The following TTC39A variants were observed in gnomAD, a reference collection of about 807,000 sequenced individuals.
The protein encoded by TTC39A is tetratricopeptide repeat protein 39A.
A neutral mutation model predicts 82.3 loss-of-function variants in TTC39A; 46 were observed. The observed-to-expected ratio is 0.56, with a 90% confidence interval of 0.44 to 0.71. The LOEUF is 0.71. TTC39A is among the 30% of genes least tolerant of loss of function. The pLI is 0.00. For missense variants in TTC39A, 543 were observed against 712.9 expected (o/e 0.76, Z 2.71); for synonymous variants, 254 against 275.2 (o/e 0.92, Z 0.76).
At chr1:51,293,101 C>T (rs1296827969) in intron 14 of TTC39A, among the ~76,000 whole-genome samples, 2 of 140,710 alleles carry the variant, frequency 1.4e-5, no homozygotes, top group East Asian at 4.1e-4. Context: ...GAGTTTCACT[C>T]TTGTTGCCCA....
intron 1 of TTC39A, chr1:51,344,931 C>A: frequency 6.6e-7 from 1 of 1,519,784 alleles, no homozygotes; most frequent in Non-Finnish European, 8.8e-7. Flanking sequence ...CGGCTGGGTC[C>A]TCCGGCGGCC....
intron 6 of TTC39A, among the ~76,000 whole-genome samples, chr1:51,306,765 G>C (rs1247839609): frequency 2.0e-5 from 3 of 151,968 alleles, no homozygotes; most frequent in Non-Finnish European, 4.4e-5. Context: ...TAGCAAGCTT[G>C]AAGCTTCTCT....
intron 1 of TTC39A, among the ~76,000 whole-genome samples, chr1:51,326,537 G>A (rs990205400): frequency 2.6e-5 from 4 of 152,096 alleles, no homozygotes; most frequent in African/African-American, 9.7e-5. Context: ...ACCACCCATC[G>A]CCACAAAGAG....
upstream of TTC39A, chr1:51,330,679 C>T: frequency 1.1e-6 from 1 of 947,732 alleles, no homozygotes; most frequent in Non-Finnish European, 1.3e-6. This position sits in a 1 kb window ranked among gnomAD's most constrained non-coding sequence, Gnocchi z 4.5. Context: ...CCGCGGCGAC[C>T]CGCGCTCCCG....
chr1:51,305,873 C>T, intron 7 of TTC39A, 104 bp downstream of exon 7: 2 of 1,153,096 alleles, frequency 1.7e-6, no homozygotes, highest in Non-Finnish European at 2.6e-6. Context: ...GCCCAGCACA[C>T]AGCCAGGTGC....
chr1:51,341,669 AG>A (rs1271882279), intron 1 of TTC39A, among the ~76,000 whole-genome samples: 36 of 152,252 alleles, frequency 2.4e-4, no homozygotes, highest in African/African-American at 8.4e-4. Context: ...CCTCAGCAAC[AG>A]GGGGCAGAGT....
At chr1:51,293,493 A>C (rs1644298885) in intron 14 of TTC39A, among the ~76,000 whole-genome samples, 1 of 152,248 alleles carries the variant, frequency 6.6e-6, no homozygotes, top group African/African-American at 2.4e-5. Flanking sequence ...TTCCTCGTTG[A>C]TACTCATAAC....
At chr1:51,310,994 T>C (rs1042195430) in intron 5 of TTC39A, among the ~76,000 whole-genome samples, 2 of 152,200 alleles carry the variant, frequency 1.3e-5, no homozygotes, top group African/African-American at 4.8e-5. Context: ...TAACAGGAAA[T>C]GCAGCAGTCG....
chr1:51,325,416 C>T (rs1219123832), intron 1 of TTC39A, among the ~76,000 whole-genome samples: 1 of 152,334 alleles, frequency 6.6e-6, no homozygotes, highest in East Asian at 1.9e-4. Context: ...GTGTCTGTCT[C>T]TGCCCAGGGC....
At chr1:51,309,983 T>C (rs1018815843) in intron 5 of TTC39A, among the ~76,000 whole-genome samples, 1 of 151,696 alleles carries the variant, frequency 6.6e-6, no homozygotes, top group Non-Finnish European at 1.5e-5. Flanking sequence ...TGTTCAGACA[T>C]GAGTACAAAG....
At chr1:51,342,910 A>G in intron 1 of TTC39A, 1 of 386,236 alleles carries the variant, frequency 2.6e-6, no homozygotes, top group Non-Finnish European at 5.4e-6. Flanking sequence ...CATTCCCTCC[A>G]TTCTCCTAAC....
chr1:51,341,718 C>CA (rs200268501), intron 1 of TTC39A, among the ~76,000 whole-genome samples: 3 of 151,744 alleles, frequency 2.0e-5, no homozygotes, highest in East Asian at 1.9e-4. Context: ...CACACACACA[C>CA]AAAAAAAACC....
intron 16 of TTC39A, among the ~76,000 whole-genome samples, chr1:51,289,327 T>C (rs1644113337): frequency 6.6e-6 from 1 of 152,232 alleles, no homozygotes; most frequent in African/African-American, 2.4e-5. Flanking sequence ...GCTGTCTTCT[T>C]TGGGATACAA....
chr1:51,294,105 C>A lies in TTC39A; in HGVS notation c.1266+286G>T, dbSNP rs929194023. ...CAGACAGGCTGGGATCACTGGCAGC[C>A]GGGTGATGCCGCTGCCTGGGCACAT... On this transcript the variant is annotated intron_variant, in intron 14 of 17. Transcript: ENST00000680483. This position sits in a 1 kb window ranked among gnomAD's most constrained non-coding sequence, Gnocchi z 4.3. Among the ~76,000 whole-genome samples, 4 of 152,120 alleles carry A rather than the reference C, an allele frequency of 2.6e-5. No homozygotes were observed. The highest frequency in any genetic ancestry group is 9.7e-5 in the African/African-American group (4 of 41,412).
intron 12 of TTC39A, chr1:51,297,157 T>C (rs980172948): frequency 6.6e-6 from 1 of 151,708 alleles, no homozygotes; most frequent in Non-Finnish European, 1.5e-5. Context: ...GAGGGAAAGC[T>C]GGTCTTCGTG....
At chr1:51,336,599 C>T (rs145613265) in intron 1 of TTC39A, among the ~76,000 whole-genome samples, 6 of 152,176 alleles carry the variant, frequency 3.9e-5, no homozygotes, top group Middle Eastern at 3.4e-3. Context: ...TGATGGCAAC[C>T]TTTCAGGGGT....
Position 51,288,352 on chromosome 1 carries a change from G to T in TTC39A, c.1611-72C>A. 1 of 1,604,398 alleles carries T rather than the reference G, an allele frequency of 6.2e-7. No individual in the cohort carries two copies. ...AGATGCTTTTCCTCCTGTTTGAGCT[G>T]TATGAGCCCCGCGAGCCAAGGAAGG... On this transcript the variant is annotated intron_variant, in intron 17 of 17. Transcript: ENST00000680483. This position sits in a 1 kb window ranked among gnomAD's most constrained non-coding sequence, Gnocchi z 4.8.
upstream of TTC39A, chr1:51,335,394 C>CAAAA (rs1182375527): frequency 1.1e-5 from 1 of 94,288 alleles, no homozygotes; most frequent in Non-Finnish European, 2.3e-5. Context: ...ACTAAAAATA[C>CAAAA]AAAAAAAAAA....
intron 6 of TTC39A, among the ~76,000 whole-genome samples, chr1:51,307,181 C>A (rs1250047040): frequency 6.6e-6 from 1 of 152,172 alleles, no homozygotes; most frequent in Non-Finnish European, 1.5e-5. Flanking sequence ...CCCAGGACTT[C>A]TTTTAAGAGC....
Sources: allele counts gnomAD v4.1 joint callset (sites outside exome capture counted in the v4.1 genomes callset), GRCh38; gene constraint gnomAD v4.1.1; non-coding constraint Gnocchi (gnomAD v3.1); transcripts MANE v1.5; gene names NCBI Gene and HGNC (gene_info 2026-07-23, HGNC 2026-07-21).